Variants in PTPN22 observed in about 807,000 individuals in gnomAD.
PTPN22 encodes the protein protein tyrosine phosphatase non-receptor type 22.
A neutral mutation model predicts 103.3 loss-of-function variants in PTPN22; 85 were observed. That is an observed-to-expected ratio of 0.82 (90% CI 0.69 to 0.99). The LOEUF is 0.99. Ranked by LOEUF, PTPN22 falls within the 50% of genes least tolerant of loss-of-function variation. PTPN22 has a pLI of 0.00. For synonymous variants in PTPN22, 323 were observed against 310.2 expected (o/e 1.04, Z -0.43); for missense variants, 865 against 936.9 (o/e 0.92, Z 1.00).
At chr1:113,855,579 A>C (rs1011361869) in intron 7 of PTPN22, among the ~76,000 whole-genome samples, 5 of 151,736 alleles carry the variant, frequency 3.3e-5, no homozygotes, top group African/African-American at 1.2e-4. Context: ...TGTGGTTAGA[A>C]CTCCACCTCA....
chr1:113,825,292 G>T, intron 18 of PTPN22, 120 bp from the exon 19 acceptor site: 1 of 678,574 alleles, frequency 1.5e-6, no homozygotes, highest in Non-Finnish European at 2.4e-6. Flanking sequence ...CCATGAAAAT[G>T]TACAAAGTTG....
chr1:113,844,546 A>G (rs1663884501), intron 11 of PTPN22, among the ~76,000 whole-genome samples: 1 of 152,180 alleles, frequency 6.6e-6, no homozygotes, highest in South Asian at 2.1e-4. Context: ...CTTTTTCTAT[A>G]TTCTTGGAGT....
At chr1:113,828,150 C>G (rs747682304) in intron 18 of PTPN22, among the ~76,000 whole-genome samples, 1 of 151,498 alleles carries the variant, frequency 6.6e-6, no homozygotes, top group Admixed American at 6.6e-5. Context: ...GAGTAATAAC[C>G]CCTTTGGCTG....
chr1:113,838,215 C>T (rs750602723), exon 13 of PTPN22: 21 of 1,614,002 alleles, frequency 1.3e-5, no homozygotes, highest in Middle Eastern at 1.6e-4. Flanking sequence ...TCTGCCATTT[C>T]ATGGTTGTGT....
intron 16 of PTPN22, among the ~76,000 whole-genome samples, chr1:113,830,715 T>C (rs1662474208): frequency 6.6e-6 from 1 of 152,188 alleles, no homozygotes; most frequent in South Asian, 2.1e-4. Flanking sequence ...TTTGAAATTT[T>C]CCATGATGAA....
intron 11 of PTPN22, among the ~76,000 whole-genome samples, chr1:113,847,573 T>C (rs1664203791): frequency 6.7e-6 from 1 of 149,366 alleles, no homozygotes; most frequent in African/African-American, 2.4e-5. Context: ...AGCCTTCTCT[T>C]TTTGCTGGGG....
At chr1:113,849,437 A>ACCTGAAAGGGCCTATTCAGGGTTTTC (rs570252755) in intron 10 of PTPN22, among the ~76,000 whole-genome samples, 18 of 152,290 alleles carry the variant, frequency 1.2e-4, no homozygotes, top group African/African-American at 4.3e-4. Context: ...TCAGGGTTTT[A>ACCTGAAAGGGCCTATTCAGGGTTTTC]CCTGAAAGGG....
intron 9 of PTPN22, among the ~76,000 whole-genome samples, chr1:113,853,497 T>C (rs1268444192): frequency 7.0e-6 from 1 of 143,876 alleles, no homozygotes; most frequent in Non-Finnish European, 1.5e-5. Context: ...ATTACAGGCA[T>C]GCGCCACCAC....
chr1:113,825,071 A>G, intron 19 of PTPN22, 71 bp downstream of exon 19: 1 of 1,114,344 alleles, frequency 9.0e-7, no homozygotes, highest in Non-Finnish European at 1.3e-6. Context: ...TTTTCACAAT[A>G]TTGGTTGGTT....
chr1:113,845,204 T>TG (rs1663947672), intron 11 of PTPN22, among the ~76,000 whole-genome samples: 1 of 150,536 alleles, frequency 6.6e-6, no homozygotes. Context: ...GTTTTTGTTT[T>TG]TTTTTTTTTT....
At chr1:113,843,195 A>G (rs1663755746) in intron 11 of PTPN22, among the ~76,000 whole-genome samples, 1 of 151,914 alleles carries the variant, frequency 6.6e-6, no homozygotes, top group Non-Finnish European at 1.5e-5. Flanking sequence ...ATACAAATAT[A>G]TATTTGTATA....
chr1:113,869,105 A>T (rs1666357734), intron 1 of PTPN22, among the ~76,000 whole-genome samples: 1 of 152,136 alleles, frequency 6.6e-6, no homozygotes. Flanking sequence ...AATCCCAGCT[A>T]CTTGGGAGGC....
intron 4 of PTPN22, 58 bp downstream of exon 4, chr1:113,858,420 A>T (rs1665264660): frequency 2.3e-6 from 3 of 1,304,250 alleles, no homozygotes; most frequent in South Asian, 1.4e-5. Flanking sequence ...CCAATTTTTT[A>T]AAAGCACTGT....
intron 16 of PTPN22, among the ~76,000 whole-genome samples, chr1:113,830,416 T>C (rs1185857472): frequency 1.3e-5 from 2 of 151,964 alleles, no homozygotes; most frequent in Non-Finnish European, 1.5e-5. Flanking sequence ...CCCACTCTCT[T>C]CAACAAATAA....
intron 19 of PTPN22, chr1:113,823,331 G>A (rs1247952265): frequency 6.6e-6 from 1 of 152,214 alleles, no homozygotes; most frequent in African/African-American, 2.4e-5. Context: ...AGTAGGACCA[G>A]CTTTACAGAC....
intron 19 of PTPN22, among the ~76,000 whole-genome samples, chr1:113,822,909 A>C (rs1331823223): frequency 6.6e-6 from 1 of 152,184 alleles, no homozygotes; most frequent in Non-Finnish European, 1.5e-5. Context: ...CAGTGAGCCG[A>C]GATCGCATCA....
chr1:113,816,632 G>A (rs1661174566), intron 20 of PTPN22, among the ~76,000 whole-genome samples: 1 of 152,094 alleles, frequency 6.6e-6, no homozygotes, highest in African/African-American at 2.4e-5. Context: ...CCAGAAGCCA[G>A]GCGTGGTGGC....
chr1:113,826,456 G>T (rs535184077), intron 18 of PTPN22, among the ~76,000 whole-genome samples: 2 of 134,006 alleles, frequency 1.5e-5, no homozygotes, highest in East Asian at 4.0e-4. Context: ...ACTCAGAGGG[G>T]TAGAGGGGAT....
chr1:113,827,710 C>A (rs577428202), intron 18 of PTPN22, among the ~76,000 whole-genome samples: 2 of 152,238 alleles, frequency 1.3e-5, no homozygotes, highest in East Asian at 3.9e-4. Flanking sequence ...TGGCTCACAC[C>A]TGTAATCCCA....
Sources: allele counts gnomAD v4.1 joint callset (sites outside exome capture counted in the v4.1 genomes callset), GRCh38; gene constraint gnomAD v4.1.1; transcripts MANE v1.5; gene names NCBI Gene and HGNC (gene_info 2026-07-23, HGNC 2026-07-21).